The following SP140L variants were observed in gnomAD, a reference collection of about 807,000 sequenced individuals.
The protein encoded by SP140L is nuclear body protein SP140-like protein.
A neutral mutation model predicts 84.3 loss-of-function variants in SP140L; 64 were observed. The observed-to-expected ratio is 0.76, with a 90% CI of 0.62 to 0.94. The LOEUF (loss-of-function observed/expected upper bound fraction) is 0.94, where lower values mean the gene tolerates loss of function less well. SP140L is among the 40% of genes least tolerant of loss of function. The pLI is 0.00. For synonymous variants in SP140L, 242 were observed against 236.9 expected (o/e 1.02, Z -0.20); for missense variants, 628 against 692.5 (o/e 0.91, Z 1.05).
chr2:230,403,413 A>C lies in SP140L; in HGVS notation c.*517A>C, dbSNP rs1467866544. 6.5e-6 allele frequency: 1 copy of C among 153,268 alleles called. No homozygotes were observed. Among genetic ancestry groups the C allele is most frequent in the African/African-American group, 2.4e-5 (1 of 41,438 alleles). The allele number at this position is 153,268 out of a possible 1,614,324, so 9.5% of individuals were successfully genotyped here. A position where few individuals can be genotyped will look rare whatever the true frequency, so the allele number is the denominator to read the frequency against. ...GAGACGGGGTTTCACTATGTTGGCC[A>C]GGCTGGTCTCGAACTCCTGACCTCA... is the stretch of plus-strand genomic sequence containing the variant. On this transcript the variant is annotated 3_prime_UTR_variant, in exon 19 of 19. Coordinates refer to ENST00000415673, the MANE Select transcript of SP140L (RefSeq NM_138402.6).
At chr2:230,331,036 A>G (rs1306554765) in intron 2 of SP140L, among the ~76,000 whole-genome samples, 1 of 152,156 alleles carries the variant, frequency 6.6e-6, no homozygotes, top group Non-Finnish European at 1.5e-5. Flanking sequence ...ATTTTAGTCA[A>G]TAAAGGCCCC....
At position 230,402,916 on chromosome 2, in the gene SP140L, A is replaced by G; in HGVS notation, c.*20A>G. On this transcript the variant is annotated 3_prime_UTR_variant, in exon 19 of 19. Coordinates refer to ENST00000415673, the MANE Select transcript of SP140L (RefSeq NM_138402.6). ...AGTTGACTGGTTTAGTGGATGCTGA[A>G]GGCCTTCAGGAAATATGCTACTGGT... 1.3e-6 allele frequency: 2 copies of G among 1,587,140 alleles called. No individual in the cohort carries two copies. The highest frequency in any genetic ancestry group is 1.7e-6 in the Non-Finnish European group (2 of 1,166,560).
At chr2:230,350,232 T>C (rs1323078794) in intron 2 of SP140L, among the ~76,000 whole-genome samples, 1 of 152,214 alleles carries the variant, frequency 6.6e-6, no homozygotes, top group African/African-American at 2.4e-5. Context: ...TGAAAGACTT[T>C]TTTGTTTAAT....
At chr2:230,383,026 A>T (rs534957335) in intron 7 of SP140L, among the ~76,000 whole-genome samples, 2 of 152,344 alleles carry the variant, frequency 1.3e-5, no homozygotes, top group South Asian at 4.1e-4. Flanking sequence ...CACTGCTATT[A>T]CTTAATGAAA....
chr2:230,362,647 G>A (rs1295967286), intron 5 of SP140L, among the ~76,000 whole-genome samples: 1 of 152,188 alleles, frequency 6.6e-6, no homozygotes, highest in Non-Finnish European at 1.5e-5. Flanking sequence ...GCAATTGTGA[G>A]TTTAATGCTC....
chr2:230,352,537 G>A (rs1161801842), intron 2 of SP140L, among the ~76,000 whole-genome samples: 5 of 152,074 alleles, frequency 3.3e-5, no homozygotes, highest in African/African-American at 7.2e-5. Flanking sequence ...GAATCCACCC[G>A]CATGATCCAA....
chr2:230,397,705 G>A (rs6436935), intron 14 of SP140L, among the ~76,000 whole-genome samples: 106,338 of 152,000 alleles, frequency 0.7, 37,939 homozygotes, highest in Non-Finnish European at 0.75. Flanking sequence ...ATAATAGTTA[G>A]CAGAGGAGGG....
intron 18 of SP140L, 118 bp downstream of exon 18, chr2:230,401,925 G>A (rs2062359680): frequency 3.2e-6 from 3 of 935,582 alleles, no homozygotes; most frequent in Non-Finnish European, 4.9e-6. Flanking sequence ...AAGGGTTCTG[G>A]AAGTGATTGA....
In SP140L at chr2:230,379,584, T is replaced by C. The variant is rs145723231; in HGVS notation, c.638-3926T>C. ...AATCATTTTATGTACTCACCATTGT[T>C]CTTTTTCTTTGGTTTCACTTTTTGT... is the stretch of plus-strand genomic sequence containing the variant. On this transcript the variant is annotated intron_variant, in intron 7 of 18. Transcript: ENST00000415673. 3.6e-3 allele frequency among the ~76,000 whole-genome samples: 545 copies of C among 152,322 alleles called. 6 individuals carry two copies. The highest frequency in any genetic ancestry group is 0.013 in the African/African-American group (525 of 41,592).
chr2:230,353,869 T>A (rs2060440002), intron 2 of SP140L, among the ~76,000 whole-genome samples: 1 of 152,174 alleles, frequency 6.6e-6, no homozygotes, highest in Non-Finnish European at 1.5e-5. Flanking sequence ...TTTTATAAGA[T>A]CTGATTTCAC....
At chr2:230,370,208 G>T (rs1305229845) in intron 5 of SP140L, among the ~76,000 whole-genome samples, 1 of 152,200 alleles carries the variant, frequency 6.6e-6, no homozygotes, top group Non-Finnish European at 1.5e-5. Context: ...AACATGGGGA[G>T]AGCATGGCTG....
chr2:230,336,930 C>G (rs1292261059), intron 2 of SP140L, among the ~76,000 whole-genome samples: 1 of 152,126 alleles, frequency 6.6e-6, no homozygotes, highest in Non-Finnish European at 1.5e-5. Flanking sequence ...CCACAGAGCT[C>G]TCTTTTATTT....
intron 5 of SP140L, among the ~76,000 whole-genome samples, chr2:230,368,548 C>T (rs981288718): frequency 1.3e-5 from 2 of 151,990 alleles, no homozygotes; most frequent in African/African-American, 4.8e-5. Flanking sequence ...TCTTTCTATC[C>T]CTTTGTCTTT....
chr2:230,351,470 A>G (rs1308349631), intron 2 of SP140L, among the ~76,000 whole-genome samples: 1 of 152,242 alleles, frequency 6.6e-6, no homozygotes, highest in African/African-American at 2.4e-5. Context: ...GCCTATTAAT[A>G]TCAGGTATAT....
Position 230,371,604 on chromosome 2 carries a change from T to C in SP140L, c.590T>C (p.Val197Ala), listed in dbSNP as rs776563850. 2.9e-5 allele frequency: 47 copies of C among 1,603,492 alleles called. No homozygotes were observed. The Admixed American group carries it at 7.6e-4, about 26-fold the overall frequency. Residue 197 changes from valine (V) to alanine (A), a missense_variant, in exon 7 of 19, where the codon GTG (valine) becomes GCG (alanine). Val to Ala is a moderately conservative substitution (Grantham distance 64, BLOSUM62 0). Coordinates refer to ENST00000415673, the MANE Select transcript of SP140L (RefSeq NM_138402.6). The part of the protein sequence containing the change: ...SDQACGKMDT[V>A]DIANNSTLGK... ...ACCACTTGTTATTTTCTAGATACTGTGGATATTGCAAACAACTCTACTTTG... is the reference window on the plus strand; with the variant it reads ...ACCACTTGTTATTTTCTAGATACTGCGGATATTGCAAACAACTCTACTTTG...
chr2:230,351,544 T>C (rs2060364572), intron 2 of SP140L, among the ~76,000 whole-genome samples: 1 of 152,258 alleles, frequency 6.6e-6, no homozygotes, highest in Admixed American at 6.5e-5. Flanking sequence ...GTATTGCTTT[T>C]TAAGAACATT....
chr2:230,384,383 T>C (rs1428470801), intron 8 of SP140L, among the ~76,000 whole-genome samples: 1 of 152,216 alleles, frequency 6.6e-6, no homozygotes, highest in East Asian at 1.9e-4. Flanking sequence ...ATTTTAGTCA[T>C]GGTCTAAGGA....
rs1559458813 is a variant in SP140L, at chr2:230,393,423, C to G, written c.1117C>G (p.Leu373Val). 1 of 1,585,722 alleles carries G rather than the reference C, an allele frequency of 6.3e-7. No individual in the cohort carries two copies. The highest frequency in any genetic ancestry group is 2.3e-5 in the East Asian group (1 of 43,976). ...TCTTTTTATCTTTCAGGAAGGATCTCTACCTAATCCTCCAAGAATATATTA... is the reference window on the plus strand; with the variant it reads ...TCTTTTTATCTTTCAGGAAGGATCTGTACCTAATCCTCCAAGAATATATTA... ...PLRRLMEEGSLPNPPRIYYRN... is the reference protein window; with the variant it reads ...PLRRLMEEGSVPNPPRIYYRN... Residue 373 changes from leucine (L) to valine (V), a missense_variant, in exon 13 of 19, where the codon CTA (leucine) becomes GTA (valine). Leu to Val is a conservative substitution (Grantham distance 32). Around this residue, in one of 4 missense-constraint regions of SP140L, gnomAD observed 525 missense variants for 518.4 expected, o/e 1.01. Transcript: ENST00000415673.
chr2:230,389,748 T>A (rs1267174878), intron 10 of SP140L, among the ~76,000 whole-genome samples, 171 bp from the exon 11 acceptor site: 1 of 152,240 alleles, frequency 6.6e-6, no homozygotes, highest in African/African-American at 2.4e-5. Flanking sequence ...GGGGCACACA[T>A]TCTGTAGTTA....
Sources: gnomAD v4.1 joint callset for allele counts (sites outside exome capture counted in the v4.1 genomes callset) on GRCh38, gnomAD v4.1.1 for gene constraint, gnomAD v4.1.1 regional missense constraint, MANE v1.5 for transcripts, NCBI Gene and HGNC (gene_info 2026-07-23, HGNC 2026-07-21) for gene names.